Variants in SIPA1L3 observed in about 807,000 individuals in gnomAD.
SIPA1L3 encodes the protein signal induced proliferation associated 1 like 3, also known as signal-induced proliferation-associated 1-like protein 3.
Under a neutral mutation model 150.1 loss-of-function variants are expected in SIPA1L3, and 59 were observed. That is an observed-to-expected ratio of 0.39 (90% CI 0.32 to 0.49). The LOEUF is 0.49. Ranked by LOEUF, SIPA1L3 falls within the 20% of genes least tolerant of loss-of-function variation. The pLI is 0.86. For synonymous variants in SIPA1L3, 1,070 were observed against 1,077.6 expected, an observed-to-expected ratio of 0.99 and a Z score of 0.14; for missense variants, 2,211 against 2,489.5, an observed-to-expected ratio of 0.89 and a Z score of 2.38.
At position 38,119,146 on chromosome 19, in the gene SIPA1L3, T is replaced by C. The variant is rs10405381; in HGVS notation, c.2292-160T>C. On this transcript the variant is annotated intron_variant, in intron 8 of 21. Coordinates refer to ENST00000222345, the MANE Select transcript of SIPA1L3 (RefSeq NM_015073.3). ...AGGAGGTCAAAGCTGCAGTGCGCTA[T>C]GATTGCACCATTGCACTCCAGCCTG... Among the ~76,000 whole-genome samples the C allele has an allele frequency of 0.029, 4,418 of 152,264 alleles. 205 individuals are homozygous for C. The highest frequency in any genetic ancestry group is 0.1 in the African/African-American group (4,162 of 41,546).
chr19:38,098,719 C>T (rs957461577), intron 4 of SIPA1L3, among the ~76,000 whole-genome samples: 1 of 152,108 alleles, frequency 6.6e-6, no homozygotes, highest in African/African-American at 2.4e-5. Context: ...CACAATTCTC[C>T]TCATATCTCA....
intron 16 of SIPA1L3, among the ~76,000 whole-genome samples, chr19:38,186,426 C>T (rs1972679381): frequency 6.6e-6 from 1 of 152,014 alleles, no homozygotes; most frequent in Non-Finnish European, 1.5e-5. Flanking sequence ...ACTTCTTCTG[C>T]CTCAGCCTAC....
chr19:38,136,830 G>C (rs1252704942), intron 10 of SIPA1L3, among the ~76,000 whole-genome samples: 4 of 152,218 alleles, frequency 2.6e-5, no homozygotes, highest in Non-Finnish European at 5.9e-5. Flanking sequence ...AGAGCCGGGA[G>C]GAGCTGGGGC....
intron 1 of SIPA1L3, among the ~76,000 whole-genome samples, chr19:37,976,451 G>A (rs1209992502): frequency 6.6e-6 from 1 of 152,176 alleles, no homozygotes; most frequent in East Asian, 1.9e-4. Flanking sequence ...AACCCAGTAA[G>A]TGATCTGCTT....
At chr19:38,179,469 A>G (rs1035182489) in intron 15 of SIPA1L3, among the ~76,000 whole-genome samples, 4 of 152,104 alleles carry the variant, frequency 2.6e-5, no homozygotes, top group African/African-American at 9.7e-5. Flanking sequence ...AATATATATA[A>G]TTTAGTATAA....
intron 1 of SIPA1L3, among the ~76,000 whole-genome samples, chr19:37,951,031 G>A (rs1440528510): frequency 6.6e-6 from 1 of 152,226 alleles, no homozygotes; most frequent in Non-Finnish European, 1.5e-5. Context: ...GGGTTTTCCT[G>A]TTGGGAACTG....
intron 1 of SIPA1L3, among the ~76,000 whole-genome samples, chr19:37,908,492 T>C (rs2046353847): frequency 6.6e-6 from 1 of 152,348 alleles, no homozygotes; most frequent in South Asian, 2.1e-4. Flanking sequence ...ATCTGTGGAA[T>C]GGTAGTCATA....
chr19:38,000,901 TATATATATAAC>T lies in SIPA1L3; in HGVS notation c.-378-28158_-378-28148del, dbSNP rs1200358667. 2.2e-3 allele frequency among the ~76,000 whole-genome samples: 145 copies of T among 67,192 alleles called. 1 individual carries two copies. The highest frequency in any genetic ancestry group is 5.3e-3 in the South Asian group (9 of 1,700). The allele number at this position is 67,192 out of a possible 152,430, so 44.1% of individuals were successfully genotyped here. A position where few individuals can be genotyped will look rare whatever the true frequency, so the allele number is the denominator to read the frequency against. ...TTTATATATATATATATGTTATATA[TATATATATAAC>T]ATATATATAACATATATATAACATA... is the stretch of plus-strand genomic sequence containing the variant. On this transcript the variant is annotated intron_variant, in intron 1 of 21. Coordinates refer to ENST00000222345, the MANE Select transcript of SIPA1L3 (RefSeq NM_015073.3).
At chr19:38,156,131 G>A (rs571481649) in intron 13 of SIPA1L3, among the ~76,000 whole-genome samples, 2 of 152,184 alleles carry the variant, frequency 1.3e-5, no homozygotes, top group Non-Finnish European at 2.9e-5. Context: ...GAAGCAGGTC[G>A]AACTGCTGGG....
At chr19:38,098,027 G>C (rs910140861) in intron 4 of SIPA1L3, among the ~76,000 whole-genome samples, 9 of 152,162 alleles carry the variant, frequency 5.9e-5, no homozygotes, top group African/African-American at 1.4e-4. Flanking sequence ...ACTTCAATTT[G>C]CTTCTCTGTA....
rs796432400 is a variant in SIPA1L3 at position 37,909,374 on chromosome 19, GT to G, written c.-379+2029del. Reference sequence around the variant, plus strand: ...AGGTGCCCGCCACCACACGTGGTTAGTTTTTTTTTTTTTAGTAGAGATGGGG... The same window carrying G: ...AGGTGCCCGCCACCACACGTGGTTAGTTTTTTTTTTTTAGTAGAGATGGGG... On this transcript the variant is annotated intron_variant, in intron 1 of 21. Coordinates refer to ENST00000222345, the MANE Select transcript of SIPA1L3 (RefSeq NM_015073.3). Among the ~76,000 whole-genome samples, 75 of 144,154 alleles carry G rather than the reference GT, an allele frequency of 5.2e-4. 1 individual carries two copies. The highest frequency in any genetic ancestry group is 6.3e-4 in the Admixed American group (9 of 14,240). The allele number at this position is 144,154 out of a possible 152,430, so 94.6% of individuals were successfully genotyped here.
chr19:38,056,658 T>G (rs902848453), intron 2 of SIPA1L3, among the ~76,000 whole-genome samples: 2 of 152,236 alleles, frequency 1.3e-5, no homozygotes, highest in Non-Finnish European at 2.9e-5. Context: ...TATCACATAG[T>G]AAGATCTCAG....
intron 1 of SIPA1L3, among the ~76,000 whole-genome samples, chr19:37,940,267 T>TA (rs987838295): frequency 8.4e-5 from 10 of 118,692 alleles, no homozygotes; most frequent in South Asian, 5.1e-4. Context: ...GGTGACAGGC[T>TA]AAAAAAAAAC....
rs367689111 is a variant in SIPA1L3 at position 38,082,456 on chromosome 19, G to A, written c.891G>A (p.Val297=). ...PARGLGGGDT[V]DSSIFRKLRS... ...GGGGCCTCGGCGGCGGGGACACGGT[G>A]GACTCGTCCATCTTTCGGAAGCTAA... The change falls in exon 3 of 22, where the codon GTG becomes GTA. Residue 297 remains valine, a synonymous_variant. Coordinates refer to ENST00000222345, the MANE Select transcript of SIPA1L3 (RefSeq NM_015073.3). 5 of 1,589,928 alleles carry A rather than the reference G, an allele frequency of 3.1e-6. No individual in the cohort carries two copies. The highest frequency in any genetic ancestry group is 3.4e-5 in the Admixed American group (2 of 58,014).
chr19:38,045,207 G>A (rs540860921), intron 2 of SIPA1L3, among the ~76,000 whole-genome samples: 11 of 151,910 alleles, frequency 7.2e-5, no homozygotes, highest in African/African-American at 1.2e-4. Flanking sequence ...GTGAAACCCC[G>A]TCTCTACAAA....
intron 3 of SIPA1L3, 87 bp downstream of exon 3, chr19:38,083,186 G>GA: frequency 7.6e-7 from 1 of 1,315,702 alleles, no homozygotes; most frequent in Non-Finnish European, 1.1e-6. Context: ...CTCTGTGCCA[G>GA]GCCCTGCTCT....
At chr19:38,090,753 C>G (rs1970239874) in intron 4 of SIPA1L3, among the ~76,000 whole-genome samples, 1 of 152,246 alleles carries the variant, frequency 6.6e-6, no homozygotes, top group Admixed American at 6.5e-5. Context: ...CTGCCAAGGA[C>G]TTGACTGTGG....
intron 7 of SIPA1L3, chr19:38,109,621 G>A (rs539308898): frequency 6.5e-6 from 1 of 152,770 alleles, no homozygotes; most frequent in East Asian, 1.9e-4. Flanking sequence ...GTGGCTTTGA[G>A]CAAGTTGAAG....
chr19:38,196,593 G>A (rs932769218), intron 18 of SIPA1L3, among the ~76,000 whole-genome samples: 13 of 150,494 alleles, frequency 8.6e-5, no homozygotes, highest in Non-Finnish European at 1.9e-4. Flanking sequence ...GAGGTCAAGG[G>A]AGGAGCATGG....
Sources: gnomAD v4.1 joint callset for allele counts (sites outside exome capture counted in the v4.1 genomes callset) on GRCh38, gnomAD v4.1.1 for gene constraint, MANE v1.5 for transcripts, NCBI Gene and HGNC (gene_info 2026-07-23, HGNC 2026-07-21) for gene names.